Variants in NFIB observed in about 807,000 individuals in gnomAD.
NFIB encodes nuclear factor 1 B-type.
Under a neutral mutation model 61.5 loss-of-function variants are expected in NFIB, and 11 were observed. That is an observed-to-expected ratio of 0.18 (90% CI 0.11 to 0.30). The LOEUF is 0.30. Among genes scored for constraint, NFIB ranks in the 10% least tolerant of loss-of-function variants. The pLI is 1.00. For missense variants in NFIB, 471 were observed against 608.9 expected (o/e 0.77, Z 2.38); for synonymous variants, 260 against 216.5 (o/e 1.20, Z -1.76).
At chr9:14,342,103 C>T (rs1334786632) in intron 1 of NFIB, among the ~76,000 whole-genome samples, 1 of 152,066 alleles carries the variant, frequency 6.6e-6, no homozygotes, top group African/African-American at 2.4e-5. Flanking sequence ...TTAATATGTC[C>T]CCGAGAGCAA....
intron 1 of NFIB, among the ~76,000 whole-genome samples, chr9:14,349,639 A>G (rs1385245552): frequency 6.6e-6 from 1 of 152,152 alleles, no homozygotes; most frequent in Non-Finnish European, 1.5e-5. Flanking sequence ...CCCTACGGCC[A>G]CAAAGCACCC....
the NFIB span, among the ~76,000 whole-genome samples, chr9:14,425,607 ATTTT>A: frequency 2.4e-4 from 24 of 99,026 alleles, no homozygotes; most frequent in African/African-American, 4.9e-4. Context: ...TTGCTACATA[ATTTT>A]TTTTTTTTTT....
At chr9:14,438,068 G>A in the NFIB span, among the ~76,000 whole-genome samples, 3 of 151,818 alleles carry the variant, frequency 2.0e-5, no homozygotes. Context: ...GTGTGTGTGT[G>A]TGAGATGGAG....
At chr9:14,145,521 C>A (rs2042185265) in intron 6 of NFIB, among the ~76,000 whole-genome samples, 3 of 152,106 alleles carry the variant, frequency 2.0e-5, no homozygotes, top group Admixed American at 6.6e-5. Context: ...GAATAAAGAA[C>A]TGACTTTGGC....
At chr9:14,370,936 A>C (rs1367019726) in intron 1 of NFIB, among the ~76,000 whole-genome samples, 2 of 152,170 alleles carry the variant, frequency 1.3e-5, no homozygotes, top group Non-Finnish European at 2.9e-5. Context: ...CTCTACAAAA[A>C]ATACAAAAAT....
At chr9:14,177,379 G>A (rs1049891807) in intron 3 of NFIB, among the ~76,000 whole-genome samples, 2 of 151,966 alleles carry the variant, frequency 1.3e-5, no homozygotes, top group Non-Finnish European at 2.9e-5. Context: ...TTTAAAATTA[G>A]AAAACATTTT....
Position 14,084,441 on chromosome 9 carries a change from A to T in NFIB, c.*3868T>A, listed in dbSNP as rs947373028. 7.1e-5 allele frequency: 16 copies of T among 225,150 alleles called. No homozygotes were observed. The highest frequency in any genetic ancestry group is 1.3e-4 in the Non-Finnish European group (15 of 112,780). 13.9% of individuals were successfully genotyped at this position (225,150 alleles called of 1,614,324 possible). Reference sequence around the variant, plus strand: ...TTTTTTAATGGAGCTGCCCACCCGAACATTACCCGATAACTATATTGCTAT... The same window carrying T: ...TTTTTTAATGGAGCTGCCCACCCGATCATTACCCGATAACTATATTGCTAT... On this transcript the variant is annotated 3_prime_UTR_variant, in exon 11 of 11. Coordinates refer to ENST00000380953, the MANE Select transcript of NFIB (RefSeq NM_001190737.2).
chr9:14,171,498 T>G (rs1045017013), intron 3 of NFIB, among the ~76,000 whole-genome samples: 3 of 152,098 alleles, frequency 2.0e-5, no homozygotes, highest in African/African-American at 4.8e-5. Context: ...CAAGAAACAG[T>G]GTTCAGAGGT....
chr9:14,343,336 G>A (rs1236239954), intron 1 of NFIB, among the ~76,000 whole-genome samples: 2 of 152,136 alleles, frequency 1.3e-5, no homozygotes, highest in Non-Finnish European at 2.9e-5. Flanking sequence ...GGTGGAAATG[G>A]GCTGGGGCGG....
chr9:14,132,669 G>T (rs1224948960), intron 6 of NFIB, among the ~76,000 whole-genome samples: 3 of 152,036 alleles, frequency 2.0e-5, no homozygotes, highest in Admixed American at 6.6e-5. Context: ...CTGGGTTCAA[G>T]CGATCCTCCC....
chr9:14,135,174 T>G (rs892920372), intron 6 of NFIB, among the ~76,000 whole-genome samples: 1 of 152,172 alleles, frequency 6.6e-6, no homozygotes, highest in East Asian at 1.9e-4. Flanking sequence ...TTTTTTCAAA[T>G]TCCCCACAAA....
At chr9:14,472,605 C>A in the NFIB span, among the ~76,000 whole-genome samples, 780 of 152,176 alleles carry the variant, frequency 5.1e-3, 5 homozygotes, top group Middle Eastern at 0.024. Context: ...CTTTGGGAGG[C>A]TGAGGGCAGG....
At chr9:14,386,757 G>C (rs929096705) in intron 1 of NFIB, among the ~76,000 whole-genome samples, 24 of 152,228 alleles carry the variant, frequency 1.6e-4, no homozygotes, top group African/African-American at 5.1e-4. Context: ...ACCAGCCCAG[G>C]GGAAGACAGC....
the NFIB span, among the ~76,000 whole-genome samples, chr9:14,415,098 T>C: frequency 6.6e-6 from 1 of 152,210 alleles, no homozygotes. Flanking sequence ...GGCTGCATTC[T>C]CACAGGCAGG....
chr9:14,203,979 C>T (rs2049339410), intron 2 of NFIB, among the ~76,000 whole-genome samples: 1 of 152,026 alleles, frequency 6.6e-6, no homozygotes. Flanking sequence ...CATATTAAAA[C>T]ATACTACAGA....
chr9:14,507,572 G>A, the NFIB span, among the ~76,000 whole-genome samples: 1 of 152,122 alleles, frequency 6.6e-6, no homozygotes, highest in Non-Finnish European at 1.5e-5. Flanking sequence ...GGTTTGGTTT[G>A]GAATATTTTT....
the NFIB span, among the ~76,000 whole-genome samples, chr9:14,471,514 T>C: frequency 6.6e-6 from 1 of 152,234 alleles, no homozygotes; most frequent in African/African-American, 2.4e-5. Flanking sequence ...TACATTTGTT[T>C]CCCAATAACC....
chr9:14,294,806 C>G (rs537576105), intron 2 of NFIB, among the ~76,000 whole-genome samples: 103 of 152,276 alleles, frequency 6.8e-4, no homozygotes, highest in Non-Finnish European at 1.3e-3. Flanking sequence ...CCTTTTTACC[C>G]TACGTCAATG....
Position 14,120,611 on chromosome 9 carries a change from T to A in NFIB, c.1074A>T (p.Arg358=), listed in dbSNP as rs1399231714. The change falls in exon 8 of 11, where the codon CGA becomes CGT. Residue 358 remains arginine (R), a synonymous_variant. Coordinates refer to ENST00000380953, the MANE Select transcript of NFIB (RefSeq NM_001190737.2). The surrounding 1 kb of genome is among the most constrained non-coding windows in gnomAD (Gnocchi z 4.4). The stretch of plus-strand genomic sequence containing the variant: ...GCAACGGTGAAGGTGGAGGTGGAGT[T>A]CGAGTTGAGATGACTGCAGAAGACA... ...PGVAHSVIST[R]TPPPPSPLPF... The A allele has an allele frequency of 6.2e-7, 1 of 1,608,532 alleles. No homozygotes were observed. The highest frequency in any genetic ancestry group is 8.5e-7 in the Non-Finnish European group (1 of 1,177,542).
Sources: gnomAD v4.1 joint callset for allele counts (sites outside exome capture counted in the v4.1 genomes callset) on GRCh38, gnomAD v4.1.1 for gene constraint, Gnocchi (gnomAD v3.1) non-coding constraint, MANE v1.5 for transcripts, NCBI Gene and HGNC (gene_info 2026-07-23, HGNC 2026-07-21) for gene names.